Variants in PHACTR2 observed in about 807,000 individuals in gnomAD.
PHACTR2 encodes the protein phosphatase and actin regulator 2, also known as chromosome 6 open reading frame 56.
A neutral mutation model predicts 76.0 loss-of-function variants in PHACTR2; 30 were observed. The ratio of observed to expected loss-of-function variants is 0.39; its 90% confidence interval spans 0.30 to 0.54. PHACTR2 has a LOEUF of 0.54. Ranked by LOEUF, PHACTR2 falls within the 20% of genes least tolerant of loss-of-function variation. PHACTR2 has a pLI of 0.61. For missense variants in PHACTR2, 696 were observed against 781.1 expected (o/e 0.89, Z 1.30); for synonymous variants, 292 against 292.5 (o/e 1.00, Z 0.02).
rs1180024722 is a variant in PHACTR2, at chr6:143,653,221, C to G, written c.13+44899C>G. 6.6e-6 allele frequency among the ~76,000 whole-genome samples: 1 copy of G among 152,160 alleles called. No individual in the cohort carries two copies. The highest frequency in any genetic ancestry group is 1.5e-5 in the Non-Finnish European group (1 of 68,022). On this transcript the variant is annotated intron_variant, in intron 1 of 11. Transcript: ENST00000305766. This position sits in a 1 kb window ranked among gnomAD's most constrained non-coding sequence, Gnocchi z 4.9. ...AGCAATTTGTGCATCGAGACTCGAG[C>G]TGCTTTGGAGTTTCCCTCTGGATTT...
intron 1 of PHACTR2, among the ~76,000 whole-genome samples, chr6:143,670,136 G>A (rs139280103): frequency 3.3e-5 from 5 of 152,164 alleles, no homozygotes; most frequent in South Asian, 2.1e-4. Context: ...GAAATTCTGG[G>A]TTGAAAATTC....
intron 5 of PHACTR2, among the ~76,000 whole-genome samples, chr6:143,763,583 C>T (rs1038188031): frequency 1.3e-5 from 2 of 152,104 alleles, no homozygotes; most frequent in African/African-American, 4.8e-5. Flanking sequence ...AGTAACAGGT[C>T]TAGATTTGGG....
At chr6:143,575,757 T>C (rs1775498765) in intron 1 of PHACTR2, among the ~76,000 whole-genome samples, 1 of 152,030 alleles carries the variant, frequency 6.6e-6, no homozygotes, top group Admixed American at 6.5e-5. Context: ...CTTCCAATCA[T>C]TTTAAAACCT....
rs1775590936 is a variant in PHACTR2 at position 143,787,913 on chromosome 6, A to G, written c.1708-860A>G. Reference sequence around the variant, plus strand: ...CTACCTCTCTGGAGATAACTGTGATACCACCCAACTAAGAAAGACCAAAAT... The same window carrying G: ...CTACCTCTCTGGAGATAACTGTGATGCCACCCAACTAAGAAAGACCAAAAT... On this transcript the variant is annotated intron_variant, in intron 10 of 12. Transcript: ENST00000440869. The surrounding 1 kb of genome is among the most constrained non-coding windows in gnomAD (Gnocchi z 4.6). 6.6e-6 allele frequency among the ~76,000 whole-genome samples: 1 copy of G among 152,180 alleles called. No homozygotes were observed. Among genetic ancestry groups the G allele is most frequent in the Admixed American group, 6.5e-5 (1 of 15,278 alleles).
chr6:143,569,841 T>C (rs9390104), intron 1 of PHACTR2, among the ~76,000 whole-genome samples: 93,167 of 152,022 alleles, frequency 0.61, 28,891 homozygotes, highest in Middle Eastern at 0.72. Flanking sequence ...TGTGCAGATA[T>C]GGCAAAAGTC....
At chr6:143,759,375 C>T (rs1779377407) in intron 4 of PHACTR2, among the ~76,000 whole-genome samples, 1 of 152,060 alleles carries the variant, frequency 6.6e-6, no homozygotes, top group Admixed American at 6.6e-5. Flanking sequence ...TTGAAAAGGC[C>T]AGGCATGGTG....
intron 3 of PHACTR2, 81 bp downstream of exon 3, chr6:143,749,146 G>A (rs1779132111): frequency 9.3e-6 from 7 of 752,152 alleles, no homozygotes; most frequent in African/African-American, 1.8e-5. Flanking sequence ...GAAATTTAAA[G>A]GGATCATGGT....
At chr6:143,748,124 G>T (rs977094375) in intron 2 of PHACTR2, among the ~76,000 whole-genome samples, 1 of 151,960 alleles carries the variant, frequency 6.6e-6, no homozygotes, top group African/African-American at 2.4e-5. Context: ...GGAGTGCAAT[G>T]GCACGATCTT....
At chr6:143,604,271 A>G (rs1486421515), upstream of PHACTR2, among the ~76,000 whole-genome samples, 3 of 152,170 alleles carry the variant, frequency 2.0e-5, no homozygotes, top group South Asian at 2.1e-4. Context: ...CAAGAGATCT[A>G]CTGGACCAAG....
chr6:143,695,483 A>T lies in PHACTR2; in HGVS notation c.47-16533A>T, dbSNP rs1414933272. Among the ~76,000 whole-genome samples, 2 of 152,244 alleles carry T rather than the reference A, an allele frequency of 1.3e-5. No homozygotes were observed. Among genetic ancestry groups the T allele is most frequent in the Admixed American group, 1.3e-4 (2 of 15,290 alleles). ...ATAAAAATGGCGTCTTACTATAGACAGTGGAAATAACTGATAAGGATTTAA... is the reference window on the plus strand; with the variant it reads ...ATAAAAATGGCGTCTTACTATAGACTGTGGAAATAACTGATAAGGATTTAA... On this transcript the variant is annotated intron_variant, in intron 1 of 12. Transcript: ENST00000440869. This position sits in a 1 kb window ranked among gnomAD's most constrained non-coding sequence, Gnocchi z 4.4.
intron 2 of PHACTR2, 70 bp from the exon 3 acceptor site, chr6:143,748,915 A>T: frequency 1.2e-6 from 1 of 818,196 alleles, no homozygotes; most frequent in South Asian, 1.5e-5. Context: ...GCTCAATTCT[A>T]CTTGGAATGT....
Position 143,598,344 on chromosome 6 carries a change from A to G in PHACTR2, c.217+61137A>G, listed in dbSNP as rs1368583104. Among the ~76,000 whole-genome samples the G allele has an allele frequency of 6.6e-6, 1 of 152,192 alleles. No individual in the cohort carries two copies. Among genetic ancestry groups the G allele is most frequent in the Non-Finnish European group, 1.5e-5 (1 of 68,030 alleles). ...GGAGCAATGAGGCTGTAACCAAAGA[A>G]TGCAACTGAGCCTAGGAGGTGGAAG... On this transcript the variant is annotated intron_variant, in intron 1 of 11. Coordinates refer to the PHACTR2 transcript ENST00000367584. The surrounding 1 kb of genome is among the most constrained non-coding windows in gnomAD (Gnocchi z 4.1).
In PHACTR2 at chr6:143,621,393, C is replaced by T. The variant is rs1213468605; in HGVS notation, c.13+13071C>T. Among the ~76,000 whole-genome samples the T allele has an allele frequency of 6.6e-6, 1 of 152,208 alleles. No individual in the cohort carries two copies. Among genetic ancestry groups the T allele is most frequent in the African/African-American group, 2.4e-5 (1 of 41,458 alleles). On this transcript the variant is annotated intron_variant, in intron 1 of 11. Transcript: ENST00000305766. The surrounding 1 kb of genome is among the most constrained non-coding windows in gnomAD (Gnocchi z 4.1). ...TCGGTGCAGAAGGGCAAATCCTTCC[C>T]ATAGTTCCTGCCTCTCTCTCTAGAG...
Position 143,678,014 on chromosome 6 carries a change from G to C in PHACTR2, c.-150G>C, listed in dbSNP as rs545107461. On this transcript the variant is annotated 5_prime_UTR_variant, in exon 1 of 13. Coordinates refer to ENST00000440869, the MANE Select transcript of PHACTR2 (RefSeq NM_001100164.2). The surrounding 1 kb of genome is among the most constrained non-coding windows in gnomAD (Gnocchi z 6.2). The stretch of plus-strand genomic sequence containing the variant: ...CCGGCTGCGGCCGGCCGGGCTGGGA[G>C]ACCCGCGCGGGGTAGAAGGTGAGGG... 2.8e-5 allele frequency: 42 copies of C among 1,476,676 alleles called. No individual in the cohort carries two copies. The highest frequency in any genetic ancestry group is 3.8e-5 in the Non-Finnish European group (42 of 1,110,276). 91.5% of individuals were successfully genotyped at this position (1,476,676 alleles called of 1,614,324 possible). A position where few individuals can be genotyped will look rare whatever the true frequency, so the allele number is the denominator to read the frequency against.
At position 143,553,564 on chromosome 6, in the gene PHACTR2, A is replaced by C. The variant is rs537813488; in HGVS notation, c.217+16357A>C. On this transcript the variant is annotated intron_variant, in intron 1 of 11. Transcript: ENST00000367584. This position sits in a 1 kb window ranked among gnomAD's most constrained non-coding sequence, Gnocchi z 4.2. ...TGAACAAACAGTAAATTATTTTGAC[A>C]GTTTTGAGTTTTCTCAGACAGGCAC... 6.6e-6 allele frequency among the ~76,000 whole-genome samples: 1 copy of C among 152,294 alleles called. No individual in the cohort carries two copies. Among genetic ancestry groups the C allele is most frequent in the African/African-American group, 2.4e-5 (1 of 41,560 alleles).
rs981076428 is a variant in PHACTR2 at position 143,816,050 on chromosome 6, A to G, written c.1923-7624A>G. ...CCTCCCTCTCAACAGTATGAAAATAAGAAAAAATGTATTGCAGTTTTAAAA... is the reference window on the plus strand; with the variant it reads ...CCTCCCTCTCAACAGTATGAAAATAGGAAAAAATGTATTGCAGTTTTAAAA... On this transcript the variant is annotated intron_variant, in intron 12 of 12. Coordinates refer to ENST00000440869, the MANE Select transcript of PHACTR2 (RefSeq NM_001100164.2). The surrounding 1 kb of genome is among the most constrained non-coding windows in gnomAD (Gnocchi z 4.5). Among the ~76,000 whole-genome samples the G allele has an allele frequency of 1.4e-4, 22 of 152,216 alleles. No individual in the cohort carries two copies. Among genetic ancestry groups the G allele is most frequent in the African/African-American group, 4.6e-4 (19 of 41,452 alleles).
At position 143,702,874 on chromosome 6, in the gene PHACTR2, ATCAAAAGATGG is replaced by A. The variant is rs577189112; in HGVS notation, c.47-9140_47-9130del. Among the ~76,000 whole-genome samples the A allele has an allele frequency of 2.0e-4, 30 of 147,938 alleles. No individual in the cohort carries two copies. The South Asian group carries it at 6.6e-3, about 33-fold the overall frequency. ...TAATTTATCATGGCTTCAGGGCAAC[ATCAAAAGATGG>A]TAGAGAAGTAGATTAGCTTTCCCAG... On this transcript the variant is annotated intron_variant, in intron 1 of 12. Coordinates refer to ENST00000440869, the MANE Select transcript of PHACTR2 (RefSeq NM_001100164.2).
At chr6:143,744,371 C>T (rs35138931) in intron 2 of PHACTR2, among the ~76,000 whole-genome samples, 4,012 of 152,298 alleles carry the variant, frequency 0.026, 65 homozygotes, top group Middle Eastern at 0.068. Context: ...TCAAAGCCAA[C>T]AGCCTGCAAG....
At position 143,806,210 on chromosome 6, in the gene PHACTR2, C is replaced by T. The variant is rs546064780; in HGVS notation, c.1846-847C>T. Among the ~76,000 whole-genome samples the T allele has an allele frequency of 1.2e-4, 18 of 152,246 alleles. No individual in the cohort carries two copies. The highest frequency in any genetic ancestry group is 4.3e-4 in the African/African-American group (18 of 41,550). ...AATGTTAACATTTCAGTCTGAATGG[C>T]GTAAGCATCCCCTCAAATACCAAAA... On this transcript the variant is annotated intron_variant, in intron 11 of 12. Transcript: ENST00000440869. The surrounding 1 kb of genome is among the most constrained non-coding windows in gnomAD (Gnocchi z 5.8).
Sources: allele counts gnomAD v4.1 joint callset (sites outside exome capture counted in the v4.1 genomes callset), GRCh38; gene constraint gnomAD v4.1.1; non-coding constraint Gnocchi (gnomAD v3.1); transcripts MANE v1.5; gene names NCBI Gene and HGNC (gene_info 2026-07-23, HGNC 2026-07-21).